Variants in CRLF3 observed in about 807,000 individuals in gnomAD.
CRLF3 encodes cytokine receptor like factor 3.
CRLF3 carries 33 observed loss-of-function variants against 55.0 expected under a neutral mutation model. That is an observed-to-expected ratio of 0.60 (90% CI 0.46 to 0.80). CRLF3 has a LOEUF of 0.80. CRLF3 is among the 30% of genes least tolerant of loss of function. CRLF3 has a pLI of 0.00. For synonymous variants in CRLF3, 238 were observed against 196.8 expected, an observed-to-expected ratio of 1.21 and a Z score of -1.75; for missense variants, 494 against 538.4, an observed-to-expected ratio of 0.92 and a Z score of 0.82.
At chr17:30,798,754 G>T (rs536479533) in intron 2 of CRLF3, among the ~76,000 whole-genome samples, 5 of 151,080 alleles carry the variant, frequency 3.3e-5, no homozygotes, top group African/African-American at 1.2e-4. Flanking sequence ...CACTAGAATC[G>T]CTTGAACCCG....
At chr17:30,819,667 G>A (rs529476502) in intron 1 of CRLF3, among the ~76,000 whole-genome samples, 8 of 152,124 alleles carry the variant, frequency 5.3e-5, no homozygotes, top group Admixed American at 1.3e-4. Flanking sequence ...TAGTAGAGAC[G>A]GGGTTTCACC....
chr17:30,824,620 A>C lies in CRLF3; in HGVS notation c.32T>G (p.Leu11Arg). The change falls in exon 1 of 8, where the codon CTG (leucine) becomes CGG (arginine). Residue 11 changes from leucine to arginine, a missense_variant. Coordinates refer to ENST00000324238, the MANE Select transcript of CRLF3 (RefSeq NM_015986.4). MRGAMELEPELLLQEARENVE... is the reference protein window; with the variant it reads MRGAMELEPERLLQEARENVE... The stretch of plus-strand genomic sequence containing the variant: ...GTTCTCGCGGGCCTCCTGCAACAGC[A>C]GCTCAGGCTCCAGCTCCATCGCCCC... 1 of 1,605,314 alleles carries C rather than the reference A, an allele frequency of 6.2e-7. No homozygotes were observed. Among genetic ancestry groups the C allele is most frequent in the Non-Finnish European group, 8.5e-7 (1 of 1,179,156 alleles).
chr17:30,803,173 A>AT (rs1386648303), intron 2 of CRLF3, among the ~76,000 whole-genome samples: 40 of 151,208 alleles, frequency 2.6e-4, no homozygotes, highest in Admixed American at 4.6e-4. Context: ...GTCAAAAAAA[A>AT]AATATATATA....
chr17:30,796,358 T>G lies in CRLF3; in HGVS notation c.426-21A>C, dbSNP rs181984776. 5.4e-3 allele frequency: 8,548 copies of G among 1,589,656 alleles called. 36 individuals carry two copies. The highest frequency in any genetic ancestry group is 6.5e-3 in the Non-Finnish European group (7,595 of 1,165,838). ...GTAAGCTGAGGAAACAAAGCTCATG[T>G]GTTATGAGACCTCTAACTGAGAGTT... is the stretch of plus-strand genomic sequence containing the variant. On this transcript the variant is annotated intron_variant, in intron 3 of 7. Transcript: ENST00000324238.
Position 30,784,325 on chromosome 17 carries a change from A to C in CRLF3, c.1191T>G (p.Gly397=). ...TAGTTACTCGAAGCTTGAAGTGTCCACCTTCATTATTACTGGTGGTTCCTA... is the reference window on the plus strand; with the variant it reads ...TAGTTACTCGAAGCTTGAAGTGTCCCCCTTCATTATTACTGGTGGTTCCTA... ...VTLGTTSNNE[G]GHFKLRVTIS... is the part of the protein sequence containing the mutation. Residue 397 remains glycine, a synonymous_variant, in exon 8 of 8, where the codon GGT becomes GGG. Coordinates refer to ENST00000324238, the MANE Select transcript of CRLF3 (RefSeq NM_015986.4). 3.1e-6 allele frequency: 5 copies of C among 1,614,154 alleles called. No homozygotes were observed. Among genetic ancestry groups the C allele is most frequent in the Non-Finnish European group, 4.2e-6 (5 of 1,180,026 alleles).
At chr17:30,812,099 G>T (rs1014309392) in intron 1 of CRLF3, among the ~76,000 whole-genome samples, 2 of 151,380 alleles carry the variant, frequency 1.3e-5, no homozygotes, top group African/African-American at 2.4e-5. Flanking sequence ...GACAGAGCGA[G>T]ACTCCGTCTA....
At chr17:30,804,451 A>T (rs1904328035) in intron 1 of CRLF3, among the ~76,000 whole-genome samples, 1 of 152,186 alleles carries the variant, frequency 6.6e-6, no homozygotes, top group African/African-American at 2.4e-5. Flanking sequence ...TACACATATT[A>T]AATAACTGAA....
intron 1 of CRLF3, among the ~76,000 whole-genome samples, chr17:30,807,517 CTTTTTTTTTTTTTTTTTT>C (rs778842582): frequency 9.5e-5 from 6 of 62,970 alleles, no homozygotes; most frequent in Non-Finnish European, 1.7e-4. Context: ...ATTTTCTTTC[CTTTTTTTTTTTTTTTTTT>C]TTTTTTTTTT....
Position 30,784,401 on chromosome 17 carries a change from G to A in CRLF3, c.1115C>T (p.Pro372Leu). 1 of 1,613,574 alleles carries A rather than the reference G, an allele frequency of 6.2e-7. No homozygotes were observed. The highest frequency in any genetic ancestry group is 8.5e-7 in the Non-Finnish European group (1 of 1,179,542). ...VNGKEMTNQL[P>L]AVTSGSTVTF... ...GACAGTGGACCCAGAAGTAACTGCG[G>A]GTAACTGATTTGTCATTTCTTTTCC... Residue 372 changes from proline to leucine, a missense_variant, in exon 8 of 8, where the codon CCC becomes CTC. Pro to Leu is a moderately conservative substitution (Grantham distance 98, BLOSUM62 -3). Coordinates refer to ENST00000324238, the MANE Select transcript of CRLF3 (RefSeq NM_015986.4).
At chr17:30,799,550 A>T (rs1653641710) in intron 2 of CRLF3, among the ~76,000 whole-genome samples, 2 of 149,364 alleles carry the variant, frequency 1.3e-5, no homozygotes, top group African/African-American at 2.5e-5. Context: ...TTTTTTTGAG[A>T]TGGAGTCTTG....
At chr17:30,787,986 C>A (rs147281630) in intron 6 of CRLF3, among the ~76,000 whole-genome samples, 1 of 149,480 alleles carries the variant, frequency 6.7e-6, no homozygotes, top group African/African-American at 2.5e-5. Flanking sequence ...GGCGACAGAG[C>A]GAGACCTTGT....
At chr17:30,821,762 A>G (rs1905004108) in intron 1 of CRLF3, among the ~76,000 whole-genome samples, 1 of 152,146 alleles carries the variant, frequency 6.6e-6, no homozygotes, top group Admixed American at 6.6e-5. Flanking sequence ...TGTGGTTGCC[A>G]GGGGGTATGG....
intron 6 of CRLF3, among the ~76,000 whole-genome samples, chr17:30,791,831 TA>T (rs1208771034): frequency 6.6e-6 from 1 of 151,422 alleles, no homozygotes; most frequent in Admixed American, 6.6e-5. Context: ...TCTAAATTTT[TA>T]AGATTTACTT....
intron 1 of CRLF3, among the ~76,000 whole-genome samples, chr17:30,814,723 C>T (rs182662798): frequency 3.1e-4 from 47 of 151,964 alleles, no homozygotes; most frequent in South Asian, 1.9e-3. Flanking sequence ...ACAAAATTGC[C>T]GGGCATGGTG....
chr17:30,788,174 A>G (rs761478213), intron 6 of CRLF3, among the ~76,000 whole-genome samples: 9 of 149,062 alleles, frequency 6.0e-5, no homozygotes, highest in Admixed American at 2.7e-4. Flanking sequence ...TAAAAATACA[A>G]TAAATTAGCC....
At chr17:30,789,002 G>A (rs963366502) in intron 6 of CRLF3, among the ~76,000 whole-genome samples, 3 of 152,066 alleles carry the variant, frequency 2.0e-5, no homozygotes, top group East Asian at 1.9e-4. Flanking sequence ...TCAAGTAGGC[G>A]CACTTGCTCC....
chr17:30,797,863 C>T (rs1298045433), intron 2 of CRLF3, among the ~76,000 whole-genome samples: 1 of 148,216 alleles, frequency 6.7e-6, no homozygotes, highest in African/African-American at 2.5e-5. Flanking sequence ...CAGCCTTGAA[C>T]TTCCAGGTTC....
At chr17:30,797,663 G>A (rs1439853589) in intron 2 of CRLF3, among the ~76,000 whole-genome samples, 1 of 152,068 alleles carries the variant, frequency 6.6e-6, no homozygotes, top group Non-Finnish European at 1.5e-5. Context: ...ACCAATTTTA[G>A]GCAAAGCAGA....
intron 6 of CRLF3, among the ~76,000 whole-genome samples, chr17:30,787,977 G>A (rs1367032354): frequency 6.6e-6 from 1 of 151,506 alleles, no homozygotes; most frequent in Non-Finnish European, 1.5e-5. Flanking sequence ...TTCAACCTGG[G>A]CGACAGAGCG....
Sources: gnomAD v4.1 joint callset for allele counts (sites outside exome capture counted in the v4.1 genomes callset) on GRCh38, gnomAD v4.1.1 for gene constraint, MANE v1.5 for transcripts, NCBI Gene and HGNC (gene_info 2026-07-23, HGNC 2026-07-21) for gene names.